PRKAR1B: variants seen among roughly 807,000 people sequenced by gnomAD.
PRKAR1B encodes protein kinase cAMP-dependent type I regulatory subunit beta.
Under a neutral mutation model 46.5 loss-of-function variants are expected in PRKAR1B, and 22 were observed. The ratio of observed to expected loss-of-function variants is 0.47; its 90% CI spans 0.34 to 0.68. The LOEUF is 0.68. PRKAR1B is among the 30% of genes least tolerant of loss of function. PRKAR1B has a pLI of 0.01. For missense variants in PRKAR1B, 445 were observed against 535.6 expected, an observed-to-expected ratio of 0.83 and a Z score of 1.67; for synonymous variants, 259 against 217.7, an observed-to-expected ratio of 1.19 and a Z score of -1.67.
At chr7:638,405 CCGGGGGCCT>C (rs1183034987) in intron 4 of PRKAR1B, among the ~76,000 whole-genome samples, 2 of 152,158 alleles carry the variant, frequency 1.3e-5, no homozygotes, top group Admixed American at 1.3e-4. Context: ...AGATCGTCCC[CCGGGGGCCT>C]CGGGACAGGT....
chr7:690,520 G>T (rs1208366683), intron 2 of PRKAR1B, among the ~76,000 whole-genome samples: 2 of 152,182 alleles, frequency 1.3e-5, no homozygotes, highest in African/African-American at 4.8e-5. Context: ...AATTTCAAGT[G>T]CTGAGCTATT....
At chr7:570,259 G>A (rs1779420523) in intron 9 of PRKAR1B, among the ~76,000 whole-genome samples, 2 of 152,172 alleles carry the variant, frequency 1.3e-5, no homozygotes, top group African/African-American at 4.8e-5. Flanking sequence ...GGGCCCTGAG[G>A]CCAAGGGTGG....
chr7:711,206 G>C (rs892481178), intron 2 of PRKAR1B, 123 bp downstream of exon 2: 5 of 1,343,106 alleles, frequency 3.7e-6, no homozygotes, highest in African/African-American at 1.5e-5. Flanking sequence ...CCTGCAGGAC[G>C]GCAGACAGTC....
upstream of PRKAR1B, among the ~76,000 whole-genome samples, chr7:728,194 C>T (rs1781429088): frequency 6.6e-6 from 1 of 152,168 alleles, no homozygotes; most frequent in Non-Finnish European, 1.5e-5. Flanking sequence ...TGCCCTTTCC[C>T]TCCCCTGGCT....
chr7:611,703 T>C (rs1319814965), intron 4 of PRKAR1B, among the ~76,000 whole-genome samples: 1 of 152,176 alleles, frequency 6.6e-6, no homozygotes, highest in Non-Finnish European at 1.5e-5. Context: ...GATGGTTGGA[T>C]GGGTGGGTGG....
At chr7:582,103 C>T (rs1206566108) in intron 8 of PRKAR1B, among the ~76,000 whole-genome samples, 2 of 152,254 alleles carry the variant, frequency 1.3e-5, no homozygotes, top group Non-Finnish European at 2.9e-5. Flanking sequence ...CCAAAAAGCA[C>T]CTGACAAGGG....
At chr7:694,632 C>T (rs1207194488) in intron 2 of PRKAR1B, among the ~76,000 whole-genome samples, 1 of 152,160 alleles carries the variant, frequency 6.6e-6, no homozygotes, top group Admixed American at 6.5e-5. Flanking sequence ...ACCTCCAGTG[C>T]ATTCTGCTCA....
chr7:655,780 A>C (rs1404792694), intron 4 of PRKAR1B, among the ~76,000 whole-genome samples: 1 of 152,104 alleles, frequency 6.6e-6, no homozygotes, highest in Non-Finnish European at 1.5e-5. Context: ...CAACTGCCAC[A>C]TATGATTCAG....
chr7:700,886 T>C (rs557712511), intron 2 of PRKAR1B, among the ~76,000 whole-genome samples: 1 of 152,152 alleles, frequency 6.6e-6, no homozygotes, highest in East Asian at 1.9e-4. Flanking sequence ...ACAGAAATCA[T>C]CCCACCAAAA....
intron 2 of PRKAR1B, among the ~76,000 whole-genome samples, chr7:687,058 G>A (rs1222205857): frequency 2.0e-5 from 3 of 152,186 alleles, no homozygotes; most frequent in Admixed American, 2.0e-4. Flanking sequence ...GGATAAGGGT[G>A]ATCCAGGATT....
Position 610,082 on chromosome 7 carries a change from C to A in PRKAR1B, c.441-2630G>T, listed in dbSNP as rs1172056200. Among the ~76,000 whole-genome samples the A allele has an allele frequency of 2.6e-5, 4 of 152,190 alleles. No homozygotes were observed. The East Asian group carries it at 7.7e-4, about 29-fold the overall frequency. On this transcript the variant is annotated intron_variant, in intron 4 of 10. Coordinates refer to ENST00000537384, the MANE Select transcript of PRKAR1B (RefSeq NM_001164760.2). ...TATATGAAAACCCTCGCTCCTTCAC[C>A]TGTTCCTGCCCAGATGGACGTTTCC...
At chr7:662,589 C>G (rs909018809) in intron 4 of PRKAR1B, among the ~76,000 whole-genome samples, 2 of 147,650 alleles carry the variant, frequency 1.4e-5, no homozygotes, top group Non-Finnish European at 3.0e-5. Context: ...ACTCTCCCCC[C>G]CATAGCACAA....
At chr7:571,872 C>T (rs1053481985) in intron 9 of PRKAR1B, among the ~76,000 whole-genome samples, 1 of 152,230 alleles carries the variant, frequency 6.6e-6, no homozygotes, top group Non-Finnish European at 1.5e-5. Flanking sequence ...ACCGTCCCCG[C>T]CTCCGGGAGC....
At chr7:608,694 G>A (rs1382232005) in intron 4 of PRKAR1B, among the ~76,000 whole-genome samples, 3 of 125,874 alleles carry the variant, frequency 2.4e-5, no homozygotes, top group African/African-American at 1.0e-4. Flanking sequence ...AGGGAGGGCT[G>A]GGGGGCCTCC....
intron 9 of PRKAR1B, among the ~76,000 whole-genome samples, chr7:566,658 TC>T (rs1779181765): frequency 0.04 from 2 of 50 alleles, no homozygotes; most frequent in Non-Finnish European, 0.083. Flanking sequence ...ATCACCATCA[TC>T]ACCATCACCT....
intron 9 of PRKAR1B, among the ~76,000 whole-genome samples, chr7:574,931 A>C (rs886478250): frequency 2.0e-5 from 3 of 152,188 alleles, no homozygotes; most frequent in African/African-American, 7.2e-5. Context: ...TCCACCTGTC[A>C]CCGCAGTCGT....
chr7:689,323 A>G (rs367612999), intron 2 of PRKAR1B, among the ~76,000 whole-genome samples: 3 of 151,934 alleles, frequency 2.0e-5, no homozygotes, highest in South Asian at 4.2e-4. Flanking sequence ...GGGCTTCATC[A>G]TATTAGCCAG....
At chr7:686,096 T>G (rs982759664) in intron 2 of PRKAR1B, among the ~76,000 whole-genome samples, 7 of 151,960 alleles carry the variant, frequency 4.6e-5, no homozygotes, top group Non-Finnish European at 7.4e-5. Context: ...GTCAGGAGAT[T>G]GAGACCATCC....
At chr7:636,399 C>CT (rs1275912167) in intron 4 of PRKAR1B, among the ~76,000 whole-genome samples, 1,320 of 84,250 alleles carry the variant, frequency 0.016, 85 homozygotes, top group Non-Finnish European at 0.025. Flanking sequence ...CGCGCCCTCA[C>CT]GTCCTCCACC....
Sources: allele counts gnomAD v4.1 joint callset (sites outside exome capture counted in the v4.1 genomes callset), GRCh38; gene constraint gnomAD v4.1.1; transcripts MANE v1.5; gene names NCBI Gene and HGNC (gene_info 2026-07-23, HGNC 2026-07-21).